INSL6: variants seen among roughly 807,000 people sequenced by gnomAD.
INSL6 encodes the protein insulin like 6.
Under a neutral mutation model 9.4 loss-of-function variants are expected in INSL6, and 16 were observed. That is an observed-to-expected ratio of 1.70 (90% CI 1.15 to 2.59). The LOEUF (loss-of-function observed/expected upper bound fraction) is 2.59, where lower values mean the gene tolerates loss of function less well. Among genes scored for constraint, INSL6 ranks in the 30% most tolerant of loss-of-function variants. The pLI is 0.00. For synonymous variants in INSL6, 154 were observed against 96.9 expected (o/e 1.59, Z -3.46); for missense variants, 391 against 257.3 (o/e 1.52, Z -3.56).
chr9:5,090,815 A>T, the INSL6 span: 1 of 1,613,604 alleles, frequency 6.2e-7, no homozygotes. Flanking sequence ...GAGAACGAGA[A>T]CAGAGTTAAA....
chr9:5,057,308 A>G, the INSL6 span, among the ~76,000 whole-genome samples: 1 of 151,866 alleles, frequency 6.6e-6, no homozygotes, highest in Admixed American at 6.6e-5. Context: ...GCATTTTCCC[A>G]GTGTATTATG....
chr9:5,126,685 T>C, intron 3 of INSL6: 1 of 1,601,682 alleles, frequency 6.2e-7, no homozygotes, highest in South Asian at 1.1e-5. Context: ...CCTTTACAGA[T>C]CTATATGATC....
the INSL6 span, chr9:5,064,860 T>A: frequency 6.7e-7 from 1 of 1,498,842 alleles, no homozygotes; most frequent in African/African-American, 1.4e-5. Flanking sequence ...AAGGTGCTAT[T>A]TCTTTTTCTT....
chr9:5,176,429 C>G (rs1431373829), intron 1 of INSL6, among the ~76,000 whole-genome samples: 1 of 152,132 alleles, frequency 6.6e-6, no homozygotes, highest in Non-Finnish European at 1.5e-5. Flanking sequence ...TGATCTTTGT[C>G]TGTTTTGTCC....
intron 3 of INSL6, among the ~76,000 whole-genome samples, chr9:5,130,798 G>A (rs968838274): frequency 2.0e-5 from 3 of 149,816 alleles, no homozygotes; most frequent in South Asian, 2.1e-4. Flanking sequence ...GCGCGATCTC[G>A]GCTCACTGCA....
intron 1 of INSL6, among the ~76,000 whole-genome samples, chr9:5,181,467 C>T (rs7047795): frequency 0.41 from 62,977 of 151,766 alleles, 15,853 homozygotes; most frequent in African/African-American, 0.72. Flanking sequence ...AAAAGACTTA[C>T]TGAGAAAGTG....
At chr9:5,075,255 C>G in the INSL6 span, among the ~76,000 whole-genome samples, 112 of 152,098 alleles carry the variant, frequency 7.4e-4, no homozygotes, top group African/African-American at 2.5e-3. Context: ...GAAGATCTAG[C>G]AAGGACCATT....
At chr9:5,056,349 C>G in the INSL6 span, among the ~76,000 whole-genome samples, 3 of 151,936 alleles carry the variant, frequency 2.0e-5, no homozygotes, top group Non-Finnish European at 2.9e-5. Flanking sequence ...ATACTTTGCT[C>G]TTAAGTTTCT....
intron 1 of INSL6, among the ~76,000 whole-genome samples, chr9:5,181,048 CT>C (rs1825440525): frequency 6.6e-6 from 1 of 152,156 alleles, no homozygotes; most frequent in Non-Finnish European, 1.5e-5. Context: ...TTTCTTTGTA[CT>C]CTTTATTTCT....
chr9:5,041,029 G>A, the INSL6 span: 1 of 670,218 alleles, frequency 1.5e-6, no homozygotes, highest in Admixed American at 2.1e-5. Context: ...CCTGGGTACC[G>A]GTTCTACAAG....
chr9:5,142,070 T>C (rs1011045832), intron 2 of INSL6, among the ~76,000 whole-genome samples: 1 of 152,194 alleles, frequency 6.6e-6, no homozygotes, highest in African/African-American at 2.4e-5. Context: ...GTTCCATTGG[T>C]TTATGTGTCT....
chr9:5,023,371 G>T, the INSL6 span, among the ~76,000 whole-genome samples: 6 of 152,256 alleles, frequency 3.9e-5, no homozygotes, highest in South Asian at 8.3e-4. Context: ...GGCCCCAGGG[G>T]AGTACGCATT....
chr9:5,085,065 A>G, the INSL6 span: 10 of 706,580 alleles, frequency 1.4e-5, no homozygotes, highest in South Asian at 1.3e-4. Context: ...TGAGAAGTTT[A>G]CTGCTCTCTC....
chr9:5,104,730 C>G, the INSL6 span, among the ~76,000 whole-genome samples: 1 of 152,176 alleles, frequency 6.6e-6, no homozygotes, highest in African/African-American at 2.4e-5. Context: ...CGGCTTCATC[C>G]CTAGGATGCA....
At chr9:5,174,823 T>C (rs780263635) in intron 1 of INSL6, among the ~76,000 whole-genome samples, 3 of 152,230 alleles carry the variant, frequency 2.0e-5, no homozygotes, top group African/African-American at 4.8e-5. Context: ...ACTGAACTAC[T>C]GATACCGTCT....
the INSL6 span, among the ~76,000 whole-genome samples, chr9:5,042,148 T>TG: frequency 8.2e-6 from 1 of 122,454 alleles, no homozygotes; most frequent in Non-Finnish European, 1.7e-5. Flanking sequence ...TTTTTTTTTT[T>TG]GAGACGGAGT....
chr9:5,067,673 A>G, the INSL6 span, among the ~76,000 whole-genome samples: 1 of 151,984 alleles, frequency 6.6e-6, no homozygotes, highest in African/African-American at 2.4e-5. Context: ...TATATATTTT[A>G]TGTTCACTGT....
chr9:5,111,054 A>T, the INSL6 span: 1 of 1,046,130 alleles, frequency 9.6e-7, no homozygotes, highest in Non-Finnish European at 1.4e-6. Context: ...TCAGAGGTTC[A>T]GGTCTTGAGA....
the INSL6 span, among the ~76,000 whole-genome samples, chr9:4,994,663 A>G: frequency 6.6e-6 from 1 of 152,192 alleles, no homozygotes; most frequent in East Asian, 1.9e-4. Flanking sequence ...GACGTGGCTC[A>G]TGGCTGTGTT....
Sources: gnomAD v4.1 joint callset for allele counts (sites outside exome capture counted in the v4.1 genomes callset) on GRCh38, gnomAD v4.1.1 for gene constraint, MANE v1.5 for transcripts, NCBI Gene and HGNC (gene_info 2026-07-23, HGNC 2026-07-21) for gene names.